Variants in PRPF39 observed in about 807,000 individuals in gnomAD.
The protein encoded by PRPF39 is pre-mRNA processing factor 39.
In PRPF39, 27 loss-of-function variants were observed where a neutral mutation model predicts 82.1. That is an observed-to-expected ratio of 0.33 (90% CI 0.24 to 0.45). The LOEUF is 0.45. Among genes scored for constraint, PRPF39 ranks in the 20% least tolerant of loss-of-function variants. The probability of loss-of-function intolerance (pLI) is 1.00; values close to 1 mark genes in which losing one functional copy is unlikely to be tolerated. For synonymous variants in PRPF39, 261 were observed against 256.4 expected (o/e 1.02, Z -0.17); for missense variants, 581 against 796.9 (o/e 0.73, Z 3.26).
rs1884295100 is a variant in PRPF39 at position 45,099,214 on chromosome 14, A to AT, written c.569+2211dup. ...ATTGGGTGAGTCTTTTCATTCTGAGATTCTAATGTCCTTCTATTCTTAGAA... is the reference window on the plus strand; with the variant it reads ...ATTGGGTGAGTCTTTTCATTCTGAGATTTCTAATGTCCTTCTATTCTTAGAA... On this transcript the variant is annotated intron_variant, in intron 4 of 13. Transcript: ENST00000355765. 2.0e-5 allele frequency among the ~76,000 whole-genome samples: 3 copies of AT among 152,172 alleles called. No homozygotes were observed. The South Asian group carries it at 6.2e-4, about 32-fold the overall frequency.
intron 2 of PRPF39, chr14:45,095,794 TGTG>T: frequency 1.7e-6 from 1 of 573,296 alleles, no homozygotes; most frequent in Non-Finnish European, 2.7e-6. Context: ...GAGGTGTAAA[TGTG>T]TGTGTAAAAT....
chr14:45,114,083 G>C (rs1884769966), intron 11 of PRPF39, 100 bp from the exon 12 acceptor site: 6 of 848,980 alleles, frequency 7.1e-6, no homozygotes, highest in Non-Finnish European at 1.1e-5. Context: ...GAGCCGCTTA[G>C]AAATTTTCTT....
chr14:45,106,164 C>A (rs1407640992), intron 5 of PRPF39, among the ~76,000 whole-genome samples: 2 of 152,004 alleles, frequency 1.3e-5, no homozygotes, highest in East Asian at 3.9e-4. Context: ...AGGCTGCCAA[C>A]AAGGTGAAAC....
At chr14:45,108,015 T>C (rs769033821) in intron 6 of PRPF39, among the ~76,000 whole-genome samples, 11 of 152,154 alleles carry the variant, frequency 7.2e-5, no homozygotes, top group Non-Finnish European at 2.9e-5. Flanking sequence ...CTTATATAAC[T>C]GGCCATTTAC....
intron 13 of PRPF39, 111 bp downstream of exon 13, chr14:45,114,725 G>A: frequency 7.1e-7 from 1 of 1,404,586 alleles, no homozygotes; most frequent in African/African-American, 1.4e-5. Context: ...TACATTCTTT[G>A]GTGGTTAAGT....
At chr14:45,102,993 A>G (rs1171627962) in intron 5 of PRPF39, among the ~76,000 whole-genome samples, 1 of 152,186 alleles carries the variant, frequency 6.6e-6, no homozygotes, top group Non-Finnish European at 1.5e-5. Flanking sequence ...GGAATGAGAA[A>G]ATAGTACCTA....
In PRPF39 at chr14:45,084,260, G is replaced by T. The variant is rs1347524911; in HGVS notation, c.-20+11G>T. On this transcript the variant is annotated intron_variant, in intron 1 of 13. Transcript: ENST00000355765. ...GGCATCCATCATAAGGTCTGCTGGG[G>T]CGGGCTCCTTGAAATTAGCTGGGGC... 1.3e-5 allele frequency: 2 copies of T among 152,846 alleles called. No homozygotes were observed. Among genetic ancestry groups the T allele is most frequent in the Non-Finnish European group, 2.9e-5 (2 of 68,178 alleles). 9.5% of individuals were successfully genotyped at this position (152,846 alleles called of 1,614,324 possible).
In PRPF39 at chr14:45,110,372, C is replaced by T. The variant is rs1374103949; in HGVS notation, c.1303+152C>T. ...AGTAAAAGCCACGTGTTCTGACTTT[C>T]AGGCTTTGTAAGCCATTGTAGCCCC... On this transcript the variant is annotated intron_variant, in intron 9 of 13. Coordinates refer to ENST00000355765, the MANE Select transcript of PRPF39 (RefSeq NM_017922.4). This position sits in a 1 kb window ranked among gnomAD's most constrained non-coding sequence, Gnocchi z 4.0. Among the ~76,000 whole-genome samples, 1 of 152,222 alleles carries T rather than the reference C, an allele frequency of 6.6e-6. No individual in the cohort carries two copies. Among genetic ancestry groups the T allele is most frequent in the African/African-American group, 2.4e-5 (1 of 41,464 alleles).
intron 1 of PRPF39, among the ~76,000 whole-genome samples, chr14:45,091,796 G>A (rs570257619): frequency 6.6e-5 from 10 of 152,260 alleles, no homozygotes; most frequent in South Asian, 2.1e-4. Context: ...TATTGTTGCC[G>A]GGGATATAAA....
At chr14:45,102,443 T>C in intron 4 of PRPF39, 86 bp from the exon 5 acceptor site, 1 of 1,173,680 alleles carries the variant, frequency 8.5e-7, no homozygotes, top group Non-Finnish European at 1.2e-6. Flanking sequence ...ATTTTTGAAG[T>C]TAGCATTATC....
intron 7 of PRPF39, 110 bp from the exon 8 acceptor site, chr14:45,109,505 TA>T (rs765194311): frequency 1.9e-4 from 167 of 895,938 alleles, no homozygotes; most frequent in Non-Finnish European, 2.2e-4. Flanking sequence ...GAAATATGAT[TA>T]AAAATTTTAA....
rs1448798425 is a variant in PRPF39 at position 45,093,223 on chromosome 14, A to AT, written c.-19-1995dup. 5.4e-3 allele frequency among the ~76,000 whole-genome samples: 790 copies of AT among 145,526 alleles called. 8 individuals carry two copies. The highest frequency in any genetic ancestry group is 0.021 in the African/African-American group (758 of 36,356). ...AATTCTTATTATTCCATTATATATG[A>AT]TTTATTTTTTTTTTTTTGAGACGGA... On this transcript the variant is annotated intron_variant, in intron 1 of 13. Transcript: ENST00000355765.
chr14:45,096,306 T>C, intron 3 of PRPF39, 78 bp downstream of exon 3: 1 of 1,498,282 alleles, frequency 6.7e-7, no homozygotes, highest in Non-Finnish European at 8.9e-7. Context: ...TTTTTTTTTT[T>C]TTTTTTTTTT....
rs1309795776 is a variant in PRPF39, at chr14:45,112,380, TGAA to T, written c.1639_1641del (p.Glu547del). ...AATATAGTGGTGACCTCAAACAAAA[TGAA>T]GAAAATATCCTAAATTGTTTTGACA... is the stretch of plus-strand genomic sequence containing the variant. On this transcript the variant is annotated inframe_deletion, in exon 11 of 14. Transcript: ENST00000355765. The T allele has an allele frequency of 6.3e-7, 1 of 1,584,110 alleles. No homozygotes were observed. The highest frequency in any genetic ancestry group is 8.5e-7 in the Non-Finnish European group (1 of 1,171,514).
chr14:45,109,854 C>A, intron 8 of PRPF39, 74 bp downstream of exon 8: 1 of 1,523,460 alleles, frequency 6.6e-7, no homozygotes, highest in Non-Finnish European at 8.8e-7. Context: ...TTTTGTACTT[C>A]TGTTGAATGT....
At chr14:45,098,486 A>C (rs532864286) in intron 4 of PRPF39, among the ~76,000 whole-genome samples, 1 of 151,916 alleles carries the variant, frequency 6.6e-6, no homozygotes, top group Non-Finnish European at 1.5e-5. Context: ...AAAACCTATA[A>C]ATATTTTTCA....
intron 4 of PRPF39, among the ~76,000 whole-genome samples, chr14:45,098,893 T>A (rs1884285565): frequency 6.6e-6 from 1 of 152,206 alleles, no homozygotes; most frequent in Non-Finnish European, 1.5e-5. Context: ...GTCCTATAAC[T>A]TCTTGTTAAA....
chr14:45,085,218 T>A (rs912782789), intron 1 of PRPF39, among the ~76,000 whole-genome samples: 2 of 152,158 alleles, frequency 1.3e-5, no homozygotes, highest in Non-Finnish European at 2.9e-5. Context: ...TCTAGATTTA[T>A]AACCTCATTC....
intron 5 of PRPF39, 60 bp downstream of exon 5, chr14:45,102,756 A>G: frequency 2.2e-6 from 3 of 1,393,718 alleles, no homozygotes; most frequent in Admixed American, 2.4e-5. Flanking sequence ...TGGTAATATT[A>G]AGTATTATAA....
Sources: gnomAD v4.1 joint callset for allele counts (sites outside exome capture counted in the v4.1 genomes callset) on GRCh38, gnomAD v4.1.1 for gene constraint, Gnocchi (gnomAD v3.1) non-coding constraint, MANE v1.5 for transcripts, NCBI Gene and HGNC (gene_info 2026-07-23, HGNC 2026-07-21) for gene names.